The following PTPRG variants were observed in gnomAD, a reference collection of about 807,000 sequenced individuals.
PTPRG encodes the protein receptor-type tyrosine-protein phosphatase gamma.
In PTPRG, 102 loss-of-function variants were observed where a neutral mutation model predicts 165.3. The observed-to-expected ratio is 0.62, with a 90% CI of 0.53 to 0.73. The LOEUF is 0.73. PTPRG is among the 30% of genes least tolerant of loss of function. The probability of loss-of-function intolerance (pLI) is 0.00; values close to 1 mark genes in which losing one functional copy is unlikely to be tolerated. For missense variants in PTPRG, 1,866 were observed against 1,861.4 expected (o/e 1.00, Z -0.05); for synonymous variants, 675 against 669.5 (o/e 1.01, Z -0.13).
At chr3:62,032,135 C>T (rs1168439318) in intron 4 of PTPRG, among the ~76,000 whole-genome samples, 1 of 152,166 alleles carries the variant, frequency 6.6e-6, no homozygotes, top group Non-Finnish European at 1.5e-5. Context: ...CAATAGACAT[C>T]TTGGGGAAGG....
Position 62,140,851 on chromosome 3 carries a change from C to CAAAAAAA in PTPRG, c.682+8200_682+8206dup, listed in dbSNP as rs58630476. On this transcript the variant is annotated intron_variant, in intron 6 of 29. Coordinates refer to ENST00000474889, the MANE Select transcript of PTPRG (RefSeq NM_002841.4). ...GACAGAGTGAGATGAGACTCGGTCT[C>CAAAAAAA]AAAAAAAAAAAAAAAAAAAAAAAGA... Among the ~76,000 whole-genome samples the CAAAAAAA allele has an allele frequency of 3.1e-3, 222 of 71,180 alleles. 4 individuals are homozygous for CAAAAAAA. The highest frequency in any genetic ancestry group is 1.0e-2 in the African/African-American group (187 of 18,748). The allele number at this position is 71,180 out of a possible 152,430, so 46.7% of individuals were successfully genotyped here. A position where few individuals can be genotyped will look rare whatever the true frequency, so the allele number is the denominator to read the frequency against.
At chr3:61,817,197 T>A (rs1447772291) in intron 2 of PTPRG, among the ~76,000 whole-genome samples, 1 of 130,788 alleles carries the variant, frequency 7.6e-6, no homozygotes, top group East Asian at 2.2e-4. Flanking sequence ...AAATAATATA[T>A]ATAATAATAT....
chr3:61,659,386 T>G (rs1427494041), intron 1 of PTPRG: 1 of 984,748 alleles, frequency 1.0e-6, no homozygotes, highest in Non-Finnish European at 1.2e-6. Context: ...TCTGCTTCAC[T>G]GGAGAAGAAG....
At chr3:62,070,115 A>G (rs1369051433) in intron 4 of PTPRG, among the ~76,000 whole-genome samples, 3 of 152,220 alleles carry the variant, frequency 2.0e-5, no homozygotes, top group East Asian at 1.9e-4. Context: ...ATTTTTCTCC[A>G]TAATTTAAAT....
chr3:61,635,733 G>C (rs1701891518), intron 1 of PTPRG, among the ~76,000 whole-genome samples: 1 of 152,106 alleles, frequency 6.6e-6, no homozygotes, highest in East Asian at 1.9e-4. Flanking sequence ...CTAAGGCTTA[G>C]ATGGCCTATG....
At chr3:62,034,061 C>T (rs770877433) in intron 4 of PTPRG, among the ~76,000 whole-genome samples, 26 of 152,158 alleles carry the variant, frequency 1.7e-4, no homozygotes, top group Admixed American at 5.2e-4. Flanking sequence ...CCACTGAGCC[C>T]GGCCAGCTGA....
At chr3:61,585,448 T>TA (rs541864992) in intron 1 of PTPRG, among the ~76,000 whole-genome samples, 117 of 151,684 alleles carry the variant, frequency 7.7e-4, no homozygotes, top group African/African-American at 1.9e-3. Context: ...TGATTCATTC[T>TA]AAAAAACAAT....
At position 62,222,959 on chromosome 3, in the gene PTPRG, C is replaced by T. The variant is rs1700681976; in HGVS notation, c.2288+3976C>T. Among the ~76,000 whole-genome samples the T allele has an allele frequency of 6.6e-6, 1 of 152,104 alleles. No individual in the cohort carries two copies. Among genetic ancestry groups the T allele is most frequent in the South Asian group, 2.1e-4 (1 of 4,828 alleles). On this transcript the variant is annotated intron_variant, in intron 13 of 29. Transcript: ENST00000474889. The surrounding 1 kb of genome is among the most constrained non-coding windows in gnomAD (Gnocchi z 4.5). Reference sequence around the variant, plus strand: ...ACAGCATATAGGAAGGGCTTCAGCCCAACCTGGAATAGGGGTTGGGGTCAG... The same window carrying T: ...ACAGCATATAGGAAGGGCTTCAGCCTAACCTGGAATAGGGGTTGGGGTCAG...
chr3:61,918,713 C>T (rs988088100), intron 2 of PTPRG, among the ~76,000 whole-genome samples: 1 of 152,144 alleles, frequency 6.6e-6, no homozygotes. Context: ...GAATTAGATA[C>T]CACAGGTGGA....
At chr3:61,847,587 G>A (rs959038738) in intron 2 of PTPRG, among the ~76,000 whole-genome samples, 2 of 152,190 alleles carry the variant, frequency 1.3e-5, no homozygotes, top group African/African-American at 2.4e-5. Flanking sequence ...ACTGAACATG[G>A]CTATCACTGC....
intron 6 of PTPRG, among the ~76,000 whole-genome samples, chr3:62,147,287 G>A (rs980691472): frequency 5.3e-5 from 8 of 152,278 alleles, no homozygotes; most frequent in African/African-American, 1.9e-4. Flanking sequence ...GGTAAACTGA[G>A]GCTAGAGAAC....
intron 2 of PTPRG, among the ~76,000 whole-genome samples, chr3:61,763,546 C>T (rs1382035689): frequency 3.2e-4 from 28 of 86,572 alleles, no homozygotes; most frequent in Non-Finnish European, 5.8e-4. Context: ...TTGTATTTCT[C>T]CTTCGTTAGA....
intron 1 of PTPRG, among the ~76,000 whole-genome samples, chr3:61,729,109 G>C (rs2032386258): frequency 6.6e-6 from 1 of 152,092 alleles, no homozygotes; most frequent in Non-Finnish European, 1.5e-5. Context: ...GAGGCTCCCT[G>C]TAAGTAGCTA....
rs1164671502 is a variant in PTPRG at position 61,989,806 on chromosome 3, T to C, written c.370+2T>C. 1 of 1,613,724 alleles carries C rather than the reference T, an allele frequency of 6.2e-7. No homozygotes were observed. The highest frequency in any genetic ancestry group is 8.5e-7 in the Non-Finnish European group (1 of 1,179,806). ...GGATGAAAAACACAGGGAAAACAGG[T>C]AGACAATGGCTTCTTTATTTGTCCA... On this transcript the variant is annotated splice_donor_variant, in intron 3 of 29. Coordinates refer to ENST00000474889, the MANE Select transcript of PTPRG (RefSeq NM_002841.4). LOFTEE classifies it high-confidence loss of function.
intron 1 of PTPRG, among the ~76,000 whole-genome samples, chr3:61,642,770 A>G (rs1341940211): frequency 1.3e-5 from 2 of 152,192 alleles, no homozygotes; most frequent in African/African-American, 4.8e-5. Context: ...ATACTGGGTA[A>G]CTAAGTCATA....
intron 5 of PTPRG, among the ~76,000 whole-genome samples, chr3:62,091,173 G>A (rs978496160): frequency 2.0e-5 from 3 of 152,102 alleles, no homozygotes; most frequent in Non-Finnish European, 4.4e-5. Context: ...GACATATATC[G>A]CTTCAGTATG....
At chr3:61,920,394 C>T (rs938042977) in intron 2 of PTPRG, among the ~76,000 whole-genome samples, 1 of 151,956 alleles carries the variant, frequency 6.6e-6, no homozygotes, top group Non-Finnish European at 1.5e-5. Flanking sequence ...TTTTTTAAGA[C>T]TTTTTTTATT....
chr3:62,090,757 A>G (rs1013417314), intron 5 of PTPRG, among the ~76,000 whole-genome samples: 3 of 152,222 alleles, frequency 2.0e-5, no homozygotes, highest in Non-Finnish European at 4.4e-5. Flanking sequence ...TTTCATGCTC[A>G]TAACAGCCCT....
At chr3:61,784,559 A>C (rs76268669) in intron 2 of PTPRG, among the ~76,000 whole-genome samples, 1 of 152,172 alleles carries the variant, frequency 6.6e-6, no homozygotes, top group African/African-American at 2.4e-5. Flanking sequence ...TTTCACTTTA[A>C]GCTTCCACAA....
Sources: gnomAD v4.1 joint callset for allele counts (sites outside exome capture counted in the v4.1 genomes callset) on GRCh38, gnomAD v4.1.1 for gene constraint, Gnocchi (gnomAD v3.1) non-coding constraint, MANE v1.5 for transcripts, NCBI Gene and HGNC (gene_info 2026-07-23, HGNC 2026-07-21) for gene names.